Variants in GRID1 observed in about 807,000 individuals in gnomAD.
The protein encoded by GRID1 is glutamate ionotropic receptor delta type subunit 1, also known as glutamate receptor ionotropic, delta-1.
GRID1 carries 28 observed loss-of-function variants against 98.0 expected under a neutral mutation model. That is an observed-to-expected ratio of 0.29 (90% CI 0.21 to 0.39). The LOEUF is 0.39. Among genes scored for constraint, GRID1 ranks in the 10% least tolerant of loss-of-function variants. The pLI, the probability that GRID1 is intolerant of heterozygous loss-of-function variation, is 1.00. For missense variants in GRID1, 1,111 were observed against 1,340.5 expected (o/e 0.83, Z 2.67); for synonymous variants, 553 against 538.5 (o/e 1.03, Z -0.37).
At chr10:86,280,143 C>A (rs115039645) in intron 2 of GRID1, among the ~76,000 whole-genome samples, 16 of 152,122 alleles carry the variant, frequency 1.1e-4, no homozygotes, top group African/African-American at 3.6e-4. Flanking sequence ...GTCAAGGCTA[C>A]AGTGAGCTAT....
chr10:86,193,808 C>T (rs997527549), intron 3 of GRID1, among the ~76,000 whole-genome samples: 1 of 151,906 alleles, frequency 6.6e-6, no homozygotes, highest in Non-Finnish European at 1.5e-5. Flanking sequence ...GTGCAGGATA[C>T]ACCAAAGGGA....
At chr10:85,908,106 T>C (rs1273509462) in intron 5 of GRID1, among the ~76,000 whole-genome samples, 1 of 152,172 alleles carries the variant, frequency 6.6e-6, no homozygotes, top group African/African-American at 2.4e-5. Context: ...GTGTTCCCTC[T>C]AATATCAGGA....
chr10:85,737,906 A>G (rs981836794), intron 8 of GRID1, among the ~76,000 whole-genome samples: 1 of 151,840 alleles, frequency 6.6e-6, no homozygotes, highest in African/African-American at 2.4e-5. Context: ...TTTCTGCTCT[A>G]TGGCAGAGCA....
chr10:86,093,777 A>T (rs1360931936), intron 4 of GRID1, among the ~76,000 whole-genome samples: 1 of 152,208 alleles, frequency 6.6e-6, no homozygotes, highest in African/African-American at 2.4e-5. Context: ...TCAAAGAATT[A>T]TTGGCATCAA....
intron 13 of GRID1, among the ~76,000 whole-genome samples, chr10:85,634,291 T>A (rs12770704): frequency 0.019 from 1,960 of 102,762 alleles, 25 homozygotes; most frequent in African/African-American, 0.024. Context: ...TCTCTCTCTC[T>A]CACACACACA....
At chr10:85,970,511 A>C (rs1842393804) in intron 4 of GRID1, among the ~76,000 whole-genome samples, 1 of 152,094 alleles carries the variant, frequency 6.6e-6, no homozygotes, top group Non-Finnish European at 1.5e-5. Flanking sequence ...GGATTTGTTT[A>C]ACATCTGAAA....
At chr10:85,702,406 T>C (rs1294793784) in intron 12 of GRID1, among the ~76,000 whole-genome samples, 1 of 151,974 alleles carries the variant, frequency 6.6e-6, no homozygotes, top group African/African-American at 2.4e-5. Flanking sequence ...GAATTGAAAA[T>C]GATCAGAGAA....
At chr10:85,730,800 T>C (rs1590208462) in intron 8 of GRID1, among the ~76,000 whole-genome samples, 1 of 152,196 alleles carries the variant, frequency 6.6e-6, no homozygotes, top group South Asian at 2.1e-4. Flanking sequence ...GGATTTTGTA[T>C]GCACTTTCTG....
chr10:85,652,858 G>T (rs984620160), intron 12 of GRID1, among the ~76,000 whole-genome samples: 7 of 152,148 alleles, frequency 4.6e-5, no homozygotes, highest in African/African-American at 1.7e-4. Flanking sequence ...TATTTCCTGT[G>T]CATCTGTCTG....
intron 4 of GRID1, among the ~76,000 whole-genome samples, chr10:86,063,986 C>A (rs544074649): frequency 6.6e-6 from 1 of 152,202 alleles, no homozygotes; most frequent in South Asian, 2.1e-4. Flanking sequence ...AGTGTGTCAA[C>A]CCCCGATCTA....
chr10:86,024,726 G>T (rs181399319), intron 4 of GRID1, among the ~76,000 whole-genome samples: 16 of 152,236 alleles, frequency 1.1e-4, no homozygotes, highest in Admixed American at 2.6e-4. Flanking sequence ...ACAGTTAGCC[G>T]GCTGGGCAGA....
At chr10:86,302,432 C>A (rs1305814756) in intron 2 of GRID1, among the ~76,000 whole-genome samples, 2 of 152,198 alleles carry the variant, frequency 1.3e-5, no homozygotes, top group Non-Finnish European at 2.9e-5. Context: ...AATCCTCTCC[C>A]CACCTCCCCA....
intron 4 of GRID1, among the ~76,000 whole-genome samples, chr10:86,103,211 C>G (rs1844325434): frequency 6.6e-6 from 1 of 152,158 alleles, no homozygotes; most frequent in African/African-American, 2.4e-5. Flanking sequence ...ACACCCCTCA[C>G]TGGTCAGCCC....
At chr10:85,692,664 T>TAA (rs59335128) in intron 12 of GRID1, among the ~76,000 whole-genome samples, 2,727 of 136,126 alleles carry the variant, frequency 0.02, 44 homozygotes, top group African/African-American at 0.031. Context: ...GAGACCCTGT[T>TAA]AAAAAAAAAA....
intron 2 of GRID1, among the ~76,000 whole-genome samples, chr10:86,334,353 G>A (rs1186106344): frequency 4.6e-5 from 7 of 152,086 alleles, no homozygotes; most frequent in Admixed American, 2.0e-4. Flanking sequence ...GGTGGGGATC[G>A]CCTTTGTCTC....
chr10:85,746,048 T>C (rs1317798895), intron 8 of GRID1, among the ~76,000 whole-genome samples: 2 of 152,192 alleles, frequency 1.3e-5, no homozygotes, highest in African/African-American at 2.4e-5. Flanking sequence ...TCCTTACAAA[T>C]GGTAATCCTT....
At chr10:86,329,738 G>T (rs1178713807) in intron 2 of GRID1, among the ~76,000 whole-genome samples, 1 of 152,158 alleles carries the variant, frequency 6.6e-6, no homozygotes, top group Admixed American at 6.5e-5. Flanking sequence ...AAATTGGCCT[G>T]CCAGTCTACC....
At chr10:86,101,615 G>T (rs1844296866) in intron 4 of GRID1, among the ~76,000 whole-genome samples, 1 of 149,716 alleles carries the variant, frequency 6.7e-6, no homozygotes. Flanking sequence ...TTTGTTCCTG[G>T]TTTGTTTTTC....
chr10:86,172,926 T>C (rs1361706677), intron 3 of GRID1, among the ~76,000 whole-genome samples: 3 of 152,256 alleles, frequency 2.0e-5, no homozygotes, highest in Non-Finnish European at 4.4e-5. Flanking sequence ...CTTCAGTTGT[T>C]ACCACCTACA....
Sources: gnomAD v4.1 joint callset for allele counts (sites outside exome capture counted in the v4.1 genomes callset) on GRCh38, gnomAD v4.1.1 for gene constraint, MANE v1.5 for transcripts, NCBI Gene and HGNC (gene_info 2026-07-23, HGNC 2026-07-21) for gene names.